The following USP48 variants were observed in gnomAD, a reference collection of about 807,000 sequenced individuals.
USP48 encodes the protein ubiquitin specific peptidase 48, also known as ubiquitin carboxyl-terminal hydrolase 48.
Under a neutral mutation model 150.7 loss-of-function variants are expected in USP48, and 43 were observed. That is an observed-to-expected ratio of 0.29 (90% confidence interval 0.22 to 0.37). USP48 has a LOEUF of 0.37. USP48 is among the 10% of genes least tolerant of loss of function. The pLI, the probability that USP48 is intolerant of heterozygous loss-of-function variation, is 1.00. For synonymous variants in USP48, 396 were observed against 425.9 expected, an observed-to-expected ratio of 0.93 and a Z score of 0.86; for missense variants, 813 against 1,249.6, an observed-to-expected ratio of 0.65 and a Z score of 5.27.
chr1:21,755,312 G>A (rs2097829423), intron 3 of USP48, among the ~76,000 whole-genome samples: 1 of 152,156 alleles, frequency 6.6e-6, no homozygotes, highest in Non-Finnish European at 1.5e-5. Flanking sequence ...TGTAATCCCA[G>A]CACTCTGGGA....
In USP48 at chr1:21,735,281, A is replaced by AT. The variant is rs576771805; in HGVS notation, c.1171+1164dup. Among the ~76,000 whole-genome samples, 113 of 152,320 alleles carry AT rather than the reference A, an allele frequency of 7.4e-4. 1 individual carries two copies. Among genetic ancestry groups the AT allele is most frequent in the African/African-American group, 2.0e-3 (84 of 41,574 alleles). On this transcript the variant is annotated intron_variant, in intron 9 of 26. Transcript: ENST00000308271. ...CATCTCTGGAACAAAATAATTGTAA[A>AT]TTTTTTTAACTAAAATTTTAAAAAG...
intron 1 of USP48, among the ~76,000 whole-genome samples, chr1:21,763,117 A>G (rs1365343104): frequency 6.6e-6 from 1 of 152,234 alleles, no homozygotes; most frequent in South Asian, 2.1e-4. Context: ...TATGGCCTAA[A>G]TATTACCACA....
intron 1 of USP48, among the ~76,000 whole-genome samples, chr1:21,780,217 T>C (rs1182585062): frequency 3.3e-5 from 5 of 152,206 alleles, no homozygotes; most frequent in African/African-American, 1.2e-4. Context: ...AATGGAATAC[T>C]ACTCAGCCGT....
chr1:21,747,029 T>C, intron 8 of USP48, 38 bp downstream of exon 8: 8 of 1,474,392 alleles, frequency 5.4e-6, no homozygotes, highest in Non-Finnish European at 7.4e-6. Flanking sequence ...TTAGAGTCTC[T>C]GAGCATTATA....
chr1:21,729,987 T>G (rs970502067), intron 9 of USP48, among the ~76,000 whole-genome samples, 155 bp from the exon 10 acceptor site: 1 of 152,192 alleles, frequency 6.6e-6, no homozygotes, highest in Non-Finnish European at 1.5e-5. Flanking sequence ...GGCAGGCTCT[T>G]TAGCTTTAAT....
chr1:21,703,584 A>G lies in USP48; in HGVS notation c.2550T>C (p.Cys850=). Residue 850 remains cysteine, a synonymous_variant, in exon 21 of 27, where the codon TGT becomes TGC. Transcript: ENST00000308271. The stretch of plus-strand genomic sequence containing the variant: ...ATTCACGCAGGTCCCTCTGCTGCTG[A>G]CACAATAAGCCTTCTCTGCATTCTG... ...LCPECREGLL[C]QQQRDLREYT... is the part of the protein sequence containing the mutation. The G allele has an allele frequency of 6.2e-7, 1 of 1,611,516 alleles. No homozygotes were observed. The highest frequency in any genetic ancestry group is 8.5e-7 in the Non-Finnish European group (1 of 1,179,920).
At chr1:21,741,484 T>C (rs1195582032) in intron 8 of USP48, among the ~76,000 whole-genome samples, 1 of 152,202 alleles carries the variant, frequency 6.6e-6, no homozygotes, top group Non-Finnish European at 1.5e-5. Flanking sequence ...CAGACAATAA[T>C]ATGTGAAAAG....
chr1:21,773,861 G>C (rs2097889487), intron 1 of USP48, among the ~76,000 whole-genome samples: 1 of 152,050 alleles, frequency 6.6e-6, no homozygotes, highest in African/African-American at 2.4e-5. Flanking sequence ...ATGAAGGTTA[G>C]GCACAGTGGC....
rs146581107 is a variant in USP48, at chr1:21,688,319, C to T, written c.3010-1080G>A. Reference sequence around the variant, plus strand: ...CTGCAACTTCCACCTCCCGAGTTCACGCCATTCTCCTGTCTCAGCCTCCCG... The same window carrying T: ...CTGCAACTTCCACCTCCCGAGTTCATGCCATTCTCCTGTCTCAGCCTCCCG... On this transcript the variant is annotated intron_variant, in intron 24 of 26. Transcript: ENST00000308271. Among the ~76,000 whole-genome samples, 252 of 151,998 alleles carry T rather than the reference C, an allele frequency of 1.7e-3. 2 individuals are homozygous for T. The highest frequency in any genetic ancestry group is 5.9e-3 in the African/African-American group (243 of 41,500).
chr1:21,762,590 G>A (rs1443818061), intron 1 of USP48, among the ~76,000 whole-genome samples: 2 of 152,102 alleles, frequency 1.3e-5, no homozygotes, highest in Non-Finnish European at 2.9e-5. Context: ...CACACGGGCC[G>A]GGCGCGGTGG....
At chr1:21,745,582 A>C (rs1185206843) in intron 8 of USP48, among the ~76,000 whole-genome samples, 2 of 152,218 alleles carry the variant, frequency 1.3e-5, no homozygotes, top group Non-Finnish European at 2.9e-5. Context: ...ATAAAAAATA[A>C]AAAATACTAT....
chr1:21,740,556 T>G (rs1285331099), intron 8 of USP48, among the ~76,000 whole-genome samples: 1 of 152,100 alleles, frequency 6.6e-6, no homozygotes, highest in African/African-American at 2.4e-5. Context: ...ACCTATGAAG[T>G]CAGAAAAACC....
intron 1 of USP48, among the ~76,000 whole-genome samples, chr1:21,775,249 G>T (rs2097894767): frequency 6.6e-6 from 1 of 151,362 alleles, no homozygotes; most frequent in Admixed American, 6.6e-5. Flanking sequence ...TCCTCGTTAG[G>T]GTTATTTTGT....
chr1:21,694,059 C>T (rs1318336337), intron 23 of USP48, among the ~76,000 whole-genome samples: 1 of 152,148 alleles, frequency 6.6e-6, no homozygotes, highest in Non-Finnish European at 1.5e-5. Flanking sequence ...TTATCAGTTC[C>T]TTCTGCCTAG....
intron 14 of USP48, among the ~76,000 whole-genome samples, chr1:21,715,706 A>T (rs927317927): frequency 7.9e-5 from 12 of 152,222 alleles, no homozygotes; most frequent in African/African-American, 2.9e-4. Flanking sequence ...GCTTTTTTAA[A>T]TTCAAAAAAT....
chr1:21,730,202 A>AG lies in USP48; in HGVS notation c.1172-371dup, dbSNP rs2097753370. ...ATGCTTGTAATCATAGCACTCTAGG[A>AG]GGCCAAGATGGGCAGATCACTTGAA... On this transcript the variant is annotated intron_variant, in intron 9 of 26. Transcript: ENST00000308271. 2.0e-5 allele frequency among the ~76,000 whole-genome samples: 3 copies of AG among 152,280 alleles called. No homozygotes were observed. In the South Asian group the frequency reaches 6.2e-4, roughly 32 times the overall value.
chr1:21,750,182 C>T (rs1050985738), intron 6 of USP48, among the ~76,000 whole-genome samples: 5 of 152,138 alleles, frequency 3.3e-5, no homozygotes, highest in African/African-American at 9.7e-5. Context: ...GTCACCTCCA[C>T]GACTTTATCT....
At chr1:21,697,368 G>T (rs1030202357) in intron 22 of USP48, among the ~76,000 whole-genome samples, 2 of 151,970 alleles carry the variant, frequency 1.3e-5, no homozygotes, top group African/African-American at 4.8e-5. Context: ...CTCGACTGTT[G>T]AAAGAAAAGG....
chr1:21,728,736 G>A lies in USP48; in HGVS notation c.1301-17C>T, dbSNP rs1440326680. The A allele has an allele frequency of 2.5e-6, 4 of 1,609,418 alleles. No homozygotes were observed. Among genetic ancestry groups the A allele is most frequent in the Admixed American group, 3.4e-5 (2 of 58,850 alleles). ...GAAGAAAGGCTATTCAAAACAGAAA[G>A]ACAAAAAACAACTTTATTCTTGTTT... On this transcript the variant is annotated splice_polypyrimidine_tract_variant and intron_variant, in intron 10 of 26. Transcript: ENST00000308271.
Sources: gnomAD v4.1 joint callset for allele counts (sites outside exome capture counted in the v4.1 genomes callset) on GRCh38, gnomAD v4.1.1 for gene constraint, MANE v1.5 for transcripts, NCBI Gene and HGNC (gene_info 2026-07-23, HGNC 2026-07-21) for gene names.